Variants in FHIT observed in about 807,000 individuals in gnomAD.
The protein encoded by FHIT is bis(5'-adenosyl)-triphosphatase.
FHIT carries 19 observed loss-of-function variants against 17.9 expected under a neutral mutation model. The ratio of observed to expected loss-of-function variants is 1.06; its 90% CI spans 0.74 to 1.56. The LOEUF (loss-of-function observed/expected upper bound fraction) is 1.56. Ranked by LOEUF, FHIT falls within the 40% of genes most tolerant of loss-of-function variation. The pLI, the probability that FHIT is intolerant of heterozygous loss-of-function variation, is 0.00. For missense variants in FHIT, 248 were observed against 189.2 expected (o/e 1.31, Z -1.82); for synonymous variants, 81 against 69.7 (o/e 1.16, Z -0.81).
chr3:60,895,399 G>C (rs1396047854), intron 3 of FHIT, among the ~76,000 whole-genome samples: 12 of 152,100 alleles, frequency 7.9e-5, no homozygotes, highest in Admixed American at 7.9e-4. Flanking sequence ...TGTATGTGCA[G>C]GTATTCCTCT....
At chr3:60,585,448 T>C (rs1208068831) in intron 4 of FHIT, among the ~76,000 whole-genome samples, 3 of 152,048 alleles carry the variant, frequency 2.0e-5, no homozygotes, top group Non-Finnish European at 4.4e-5. Context: ...TTCAATTATT[T>C]ATTCATAGAC....
chr3:60,058,123 G>A (rs1702154837), intron 5 of FHIT, among the ~76,000 whole-genome samples: 1 of 140,066 alleles, frequency 7.1e-6, no homozygotes, highest in African/African-American at 2.6e-5. Flanking sequence ...AATGAGTACA[G>A]AGTTGTGTTT....
Position 60,244,606 on chromosome 3 carries a change from T to C in FHIT, c.104-230454A>G, listed in dbSNP as rs151123943. ...TTTGTTGCCACAGAAGCCACAAAAT[T>C]GTAAGGCAATGAATTTCTGAATTGG... On this transcript the variant is annotated intron_variant, in intron 5 of 9. Transcript: ENST00000492590. 4.8e-4 allele frequency among the ~76,000 whole-genome samples: 73 copies of C among 152,190 alleles called. 1 individual carries two copies. In the East Asian group the frequency reaches 0.014, roughly 28 times the overall value.
chr3:60,556,779 C>T (rs1206124123), intron 4 of FHIT, among the ~76,000 whole-genome samples: 3 of 152,228 alleles, frequency 2.0e-5, no homozygotes, highest in Non-Finnish European at 2.9e-5. Context: ...AGGTGTGTAA[C>T]GCTGCCTTTG....
At chr3:60,883,746 G>A (rs376187390) in intron 3 of FHIT, among the ~76,000 whole-genome samples, 10 of 152,090 alleles carry the variant, frequency 6.6e-5, no homozygotes, top group Middle Eastern at 3.4e-3. Flanking sequence ...GTAAGGCCTC[G>A]AACTATAAAA....
intron 2 of FHIT, among the ~76,000 whole-genome samples, chr3:61,102,326 T>C (rs902812555): frequency 2.0e-5 from 3 of 152,224 alleles, no homozygotes; most frequent in African/African-American, 7.2e-5. Flanking sequence ...GTGGTTTTTG[T>C]CTTTGGTTCT....
intron 3 of FHIT, among the ~76,000 whole-genome samples, chr3:60,840,091 C>CT (rs1477948481): frequency 1.3e-5 from 2 of 151,888 alleles, no homozygotes; most frequent in Admixed American, 1.3e-4. Context: ...TCTTCAGAGC[C>CT]TAAAGGCCTT....
At chr3:60,529,551 C>A (rs1217974637) in intron 5 of FHIT, among the ~76,000 whole-genome samples, 1 of 152,174 alleles carries the variant, frequency 6.6e-6, no homozygotes, top group African/African-American at 2.4e-5. Flanking sequence ...TTATTCCATT[C>A]ATTACTTCTA....
intron 4 of FHIT, among the ~76,000 whole-genome samples, chr3:60,720,928 C>A (rs139508214): frequency 6.6e-6 from 1 of 152,266 alleles, no homozygotes; most frequent in East Asian, 1.9e-4. Flanking sequence ...ATTACCCAAG[C>A]CAGAAGAAAA....
At chr3:60,070,552 C>T (rs1180413598) in intron 5 of FHIT, among the ~76,000 whole-genome samples, 1 of 151,652 alleles carries the variant, frequency 6.6e-6, no homozygotes, top group East Asian at 1.9e-4. Context: ...CCCTCTGTCC[C>T]CTGCTGGGTA....
intron 5 of FHIT, among the ~76,000 whole-genome samples, chr3:60,508,284 G>C (rs1576782754): frequency 6.6e-6 from 1 of 152,126 alleles, no homozygotes; most frequent in Non-Finnish European, 1.5e-5. Flanking sequence ...ATGTTCTATA[G>C]TACTACTATC....
intron 4 of FHIT, among the ~76,000 whole-genome samples, chr3:60,545,249 A>T (rs1182823854): frequency 6.6e-6 from 1 of 152,022 alleles, no homozygotes; most frequent in South Asian, 2.1e-4. Context: ...GTACATGGAG[A>T]TGTTTTTTCT....
At chr3:61,137,140 A>G (rs2036938067) in intron 2 of FHIT, among the ~76,000 whole-genome samples, 1 of 152,122 alleles carries the variant, frequency 6.6e-6, no homozygotes. Flanking sequence ...ATTGCTTAGC[A>G]CTGCAGACTC....
chr3:60,116,687 A>G lies in FHIT; in HGVS notation c.104-102535T>C, dbSNP rs144252456. Among the ~76,000 whole-genome samples, 817 of 152,258 alleles carry G rather than the reference A, an allele frequency of 5.4e-3. 10 individuals are homozygous for G. Among genetic ancestry groups the G allele is most frequent in the Middle Eastern group, 0.037 (11 of 294 alleles). On this transcript the variant is annotated intron_variant, in intron 5 of 9. Transcript: ENST00000492590. ...AATGGTGAAATAAAAAGTAGCCCCA[A>G]TATTAAAGCAATTCCAAGGATCAAG...
chr3:60,954,506 A>G (rs1280197714), intron 3 of FHIT, among the ~76,000 whole-genome samples: 1 of 152,218 alleles, frequency 6.6e-6, no homozygotes, highest in East Asian at 1.9e-4. Flanking sequence ...GCTGAGTTCA[A>G]ACCCTGAAAC....
chr3:60,636,139 C>T (rs1047507033), intron 4 of FHIT, among the ~76,000 whole-genome samples: 10 of 151,762 alleles, frequency 6.6e-5, no homozygotes, highest in Admixed American at 3.3e-4. Flanking sequence ...ATCTCAATCT[C>T]GGCTCACTGC....
intron 8 of FHIT, among the ~76,000 whole-genome samples, chr3:59,919,756 G>A (rs1705312506): frequency 6.6e-6 from 1 of 152,186 alleles, no homozygotes; most frequent in Non-Finnish European, 1.5e-5. Context: ...CAGTCTGTTT[G>A]TTGAATGTCC....
chr3:60,757,501 G>A (rs1699477946), intron 4 of FHIT, among the ~76,000 whole-genome samples: 1 of 152,224 alleles, frequency 6.6e-6, no homozygotes, highest in African/African-American at 2.4e-5. Context: ...AGGTGATTGT[G>A]TCTAAATGAG....
At chr3:60,480,195 T>C (rs1325520470) in intron 5 of FHIT, among the ~76,000 whole-genome samples, 2 of 152,012 alleles carry the variant, frequency 1.3e-5, no homozygotes, top group Non-Finnish European at 2.9e-5. Context: ...TCCGGAGACT[T>C]ATCAAATAAC....
Sources: gnomAD v4.1 joint callset for allele counts (sites outside exome capture counted in the v4.1 genomes callset) on GRCh38, gnomAD v4.1.1 for gene constraint, MANE v1.5 for transcripts, NCBI Gene and HGNC (gene_info 2026-07-23, HGNC 2026-07-21) for gene names.